Variants in LDLRAD4 observed in about 807,000 individuals in gnomAD.
LDLRAD4 encodes the protein low-density lipoprotein receptor class A domain-containing protein 4.
LDLRAD4 carries 5 observed loss-of-function variants against 17.0 expected under a neutral mutation model. The ratio of observed to expected loss-of-function variants is 0.29; its 90% CI spans 0.15 to 0.62. LDLRAD4 has a LOEUF of 0.62. LDLRAD4 is among the 20% of genes least tolerant of loss of function. The pLI, the probability that LDLRAD4 is intolerant of heterozygous loss-of-function variation, is 0.84. For synonymous variants in LDLRAD4, 168 were observed against 171.8 expected, an observed-to-expected ratio of 0.98 and a Z score of 0.17; for missense variants, 340 against 424.7, an observed-to-expected ratio of 0.80 and a Z score of 1.75.
At chr18:13,649,608 T>C (rs1483227748) in exon 6 of LDLRAD4, 1 of 153,492 alleles carries the variant, frequency 6.5e-6, no homozygotes, top group Non-Finnish European at 1.5e-5. Context: ...CGGCCCCCCA[T>C]GCAGCCATGA....
chr18:13,376,084 C>A (rs374175882), intron 1 of LDLRAD4, among the ~76,000 whole-genome samples: 4 of 152,106 alleles, frequency 2.6e-5, no homozygotes, highest in African/African-American at 9.7e-5. Context: ...CTTCATCAGA[C>A]TCTGGGAGGG....
intron 1 of LDLRAD4, among the ~76,000 whole-genome samples, chr18:13,285,006 C>T (rs2045535122): frequency 6.6e-6 from 1 of 152,220 alleles, no homozygotes; most frequent in African/African-American, 2.4e-5. Flanking sequence ...ACGACCTCCC[C>T]TTGACGTCCT....
intron 1 of LDLRAD4, among the ~76,000 whole-genome samples, chr18:13,254,368 T>G (rs1184598657): frequency 6.6e-6 from 1 of 152,186 alleles, no homozygotes; most frequent in Non-Finnish European, 1.5e-5. Flanking sequence ...TCAGCAGCAG[T>G]GACAGGGTCT....
At chr18:13,431,525 A>G (rs1272087382) in intron 2 of LDLRAD4, among the ~76,000 whole-genome samples, 4 of 152,200 alleles carry the variant, frequency 2.6e-5, no homozygotes, top group East Asian at 1.9e-4. Flanking sequence ...TCTGAAGGGT[A>G]ATTGCAGGTC....
At chr18:13,326,059 G>A (rs553362746) in intron 1 of LDLRAD4, among the ~76,000 whole-genome samples, 11 of 152,164 alleles carry the variant, frequency 7.2e-5, no homozygotes, top group Non-Finnish European at 1.2e-4. Context: ...GAGCCACCAC[G>A]CCCGGCTGGC....
intron 3 of LDLRAD4, among the ~76,000 whole-genome samples, chr18:13,462,854 G>A (rs1251688505): frequency 1.3e-5 from 2 of 152,146 alleles, no homozygotes; most frequent in African/African-American, 2.4e-5. Flanking sequence ...CTTTCCAGTG[G>A]GGGGCAGCTC....
chr18:13,438,966 GAGAA>G (rs1481712583), intron 3 of LDLRAD4, among the ~76,000 whole-genome samples: 2 of 152,212 alleles, frequency 1.3e-5, no homozygotes, highest in African/African-American at 2.4e-5. Flanking sequence ...GACAAGGAAA[GAGAA>G]AGAAGGCAGC....
At chr18:13,637,373 CCTGT>C (rs1285360661) in intron 4 of LDLRAD4, among the ~76,000 whole-genome samples, 1 of 151,966 alleles carries the variant, frequency 6.6e-6, no homozygotes, top group East Asian at 1.9e-4. Flanking sequence ...GAAGAACTTG[CCTGT>C]AAGGAGACTC....
intron 3 of LDLRAD4, among the ~76,000 whole-genome samples, chr18:13,605,589 C>T (rs900902154): frequency 1.3e-5 from 2 of 152,182 alleles, no homozygotes; most frequent in African/African-American, 4.8e-5. Flanking sequence ...TTAACCCCTG[C>T]TGGTTCTCCT....
chr18:13,239,586 A>C (rs2042521604), intron 1 of LDLRAD4: 1 of 152,308 alleles, frequency 6.6e-6, no homozygotes, highest in Non-Finnish European at 1.5e-5. Flanking sequence ...GCAGTTGTCC[A>C]GAGGGGGCTT....
At chr18:13,342,555 A>G (rs1599543524) in intron 1 of LDLRAD4, among the ~76,000 whole-genome samples, 1 of 133,470 alleles carries the variant, frequency 7.5e-6, no homozygotes, top group Non-Finnish European at 1.5e-5. Context: ...TATTTCTGAC[A>G]CTATTATAAA....
At chr18:13,568,294 C>CAAA (rs757940032) in intron 3 of LDLRAD4, among the ~76,000 whole-genome samples, 5 of 116,558 alleles carry the variant, frequency 4.3e-5, no homozygotes, top group African/African-American at 9.4e-5. Context: ...ACTCCGTTTA[C>CAAA]AAAAAAAAAA....
chr18:13,327,794 C>T (rs149206204), intron 1 of LDLRAD4, among the ~76,000 whole-genome samples: 3 of 152,296 alleles, frequency 2.0e-5, no homozygotes, highest in Non-Finnish European at 4.4e-5. Context: ...GCAGGTCTTC[C>T]TGCTCAGGGC....
intron 1 of LDLRAD4, among the ~76,000 whole-genome samples, chr18:13,284,727 A>G (rs965070893): frequency 2.6e-5 from 4 of 152,150 alleles, no homozygotes; most frequent in African/African-American, 9.7e-5. Context: ...TTTGGGGGGC[A>G]GTGCACCCCA....
chr18:13,411,368 C>A (rs1408948544), intron 2 of LDLRAD4, among the ~76,000 whole-genome samples: 2 of 152,012 alleles, frequency 1.3e-5, no homozygotes, highest in East Asian at 1.9e-4. Flanking sequence ...AATGCTTGAA[C>A]AAAGCATTTG....
intron 1 of LDLRAD4, among the ~76,000 whole-genome samples, chr18:13,304,799 G>T (rs1391691588): frequency 1.3e-5 from 2 of 152,182 alleles, no homozygotes; most frequent in Non-Finnish European, 2.9e-5. Context: ...TGCTAAACCT[G>T]GTCCTGCTGT....
rs191626878 is a variant in LDLRAD4 at position 13,633,290 on chromosome 18, C to A, written c.337-10069C>A. On this transcript the variant is annotated intron_variant, in intron 4 of 5. Transcript: ENST00000359446. ...CCACAGGCAGGCCCAGAAAAAGCATCCTAAGTTCTTACTCTGGTCTGTGGA... is the reference window on the plus strand; with the variant it reads ...CCACAGGCAGGCCCAGAAAAAGCATACTAAGTTCTTACTCTGGTCTGTGGA... 2.6e-5 allele frequency among the ~76,000 whole-genome samples: 4 copies of A among 152,340 alleles called. No homozygotes were observed. The East Asian group carries it at 7.7e-4, about 29-fold the overall frequency.
intron 3 of LDLRAD4, among the ~76,000 whole-genome samples, chr18:13,590,054 T>G (rs527961112): frequency 2.7e-4 from 40 of 150,694 alleles, no homozygotes; most frequent in African/African-American, 9.5e-4. Context: ...AGTGTGCATG[T>G]GTGTGACTGC....
At chr18:13,394,538 C>A (rs563505077) in intron 2 of LDLRAD4, among the ~76,000 whole-genome samples, 1 of 152,078 alleles carries the variant, frequency 6.6e-6, no homozygotes, top group Non-Finnish European at 1.5e-5. Flanking sequence ...AGAAACATTC[C>A]AATTAATATT....
Sources: gnomAD v4.1 joint callset for allele counts (sites outside exome capture counted in the v4.1 genomes callset) on GRCh38, gnomAD v4.1.1 for gene constraint, MANE v1.5 for transcripts, NCBI Gene and HGNC (gene_info 2026-07-23, HGNC 2026-07-21) for gene names.